Variants in EML1 observed in about 807,000 individuals in gnomAD.
The protein encoded by EML1 is EMAP like 1.
A neutral mutation model predicts 110.4 loss-of-function variants in EML1; 27 were observed. The observed-to-expected ratio is 0.24, with a 90% confidence interval of 0.18 to 0.34. EML1 has a LOEUF of 0.34. EML1 is among the 10% of genes least tolerant of loss of function. The pLI is 1.00. For synonymous variants in EML1, 344 were observed against 385.8 expected, an observed-to-expected ratio of 0.89 and a Z score of 1.27; for missense variants, 741 against 1,030.9, an observed-to-expected ratio of 0.72 and a Z score of 3.85.
intron 16 of EML1, 58 bp from the exon 17 acceptor site, chr14:99,920,731 T>C: frequency 7.3e-7 from 1 of 1,371,204 alleles, no homozygotes; most frequent in Non-Finnish European, 1.0e-6. Flanking sequence ...CCCACTATTA[T>C]ATAATCTTCA....
At chr14:99,766,382 C>T (rs571735986) in intron 1 of EML1, among the ~76,000 whole-genome samples, 2 of 152,012 alleles carry the variant, frequency 1.3e-5, no homozygotes, top group Admixed American at 1.3e-4. Flanking sequence ...TTAGTAGAGA[C>T]AGGGTTTCAC....
rs1339568152 is a variant in EML1, at chr14:99,917,766, C to G, written c.1753-16C>G. 3 of 1,613,804 alleles carry G rather than the reference C, an allele frequency of 1.9e-6. No individual in the cohort carries two copies. Among genetic ancestry groups the G allele is most frequent in the Non-Finnish European group, 2.5e-6 (3 of 1,179,840 alleles). On this transcript the variant is annotated splice_polypyrimidine_tract_variant and intron_variant, in intron 15 of 21. Transcript: ENST00000262233. ...CTATCTGTTCATCAATTTACACTTC[C>G]TTTAAAATATTTTAGGATCCAGCTC...
chr14:99,846,611 A>G (rs1247665034), intron 1 of EML1, among the ~76,000 whole-genome samples: 1 of 152,058 alleles, frequency 6.6e-6, no homozygotes, highest in Non-Finnish European at 1.5e-5. Context: ...CTTCAAGGCC[A>G]ACCCCTGCTT....
At chr14:99,834,707 T>A (rs1292194309) in intron 1 of EML1, among the ~76,000 whole-genome samples, 1 of 152,254 alleles carries the variant, frequency 6.6e-6, no homozygotes, top group African/African-American at 2.4e-5. Context: ...GAGAAATATT[T>A]CTTCCTTATC....
chr14:99,796,266 A>G lies in EML1; in HGVS notation c.67+2723A>G, dbSNP rs955037834. ...GTAAATGAGAAGGGAGAAAGAGAAA[A>G]GTTTGTTCTAATGAATGAAATTTCT... is the stretch of plus-strand genomic sequence containing the variant. On this transcript the variant is annotated intron_variant, in intron 1 of 21. Coordinates refer to ENST00000262233, the MANE Select transcript of EML1 (RefSeq NM_004434.3). 3.9e-4 allele frequency among the ~76,000 whole-genome samples: 58 copies of G among 150,466 alleles called. 1 individual carries two copies. The highest frequency in any genetic ancestry group is 1.2e-4 in the Non-Finnish European group (8 of 67,662).
chr14:99,750,241 C>T (rs964212436), intron 1 of EML1, among the ~76,000 whole-genome samples: 83 of 152,314 alleles, frequency 5.4e-4, no homozygotes, highest in Non-Finnish European at 4.4e-4. Flanking sequence ...GGGAGAAGAG[C>T]GGAGAGGCTC....
intron 17 of EML1, among the ~76,000 whole-genome samples, chr14:99,921,769 A>G (rs2060134348): frequency 6.6e-6 from 1 of 152,210 alleles, no homozygotes; most frequent in Non-Finnish European, 1.5e-5. Flanking sequence ...TACATACAAT[A>G]ATGAACCATT....
chr14:99,890,879 G>A (rs1326059288), intron 4 of EML1, among the ~76,000 whole-genome samples: 3 of 151,792 alleles, frequency 2.0e-5, no homozygotes, highest in Admixed American at 6.6e-5. Context: ...AAAAACAACC[G>A]TTTTTACACA....
chr14:99,788,978 T>C (rs763604913), upstream of EML1, among the ~76,000 whole-genome samples: 3 of 152,152 alleles, frequency 2.0e-5, no homozygotes, highest in East Asian at 3.9e-4. Flanking sequence ...GCTGATAGCA[T>C]GTATCAGAAT....
chr14:99,889,306 G>C (rs2059544183), intron 4 of EML1, among the ~76,000 whole-genome samples: 1 of 152,190 alleles, frequency 6.6e-6, no homozygotes, highest in Admixed American at 6.5e-5. Flanking sequence ...CCACCCACCA[G>C]GCACAGATCC....
rs752441148 is a variant in EML1 at position 99,897,272 on chromosome 14, G to A, written c.805G>A (p.Gly269Ser). Residue 269 changes from glycine (G) to serine (S), a missense_variant, in exon 7 of 22, where the codon GGC becomes AGC. Gly to Ser is a moderately conservative substitution (Grantham distance 56, BLOSUM62 0). Transcript: ENST00000262233. The stretch of plus-strand genomic sequence containing the variant: ...GGAGCAACTGCAGAGGCATTACGCT[G>A]GCCACAACGATGACGTGAAGTGGTA... ...VEEQLQRHYA[G>S]HNDDVKCLAV... 1.9e-6 allele frequency: 3 copies of A among 1,610,690 alleles called. No individual in the cohort carries two copies. The South Asian group carries it at 3.3e-5, about 18-fold the overall frequency.
intron 17 of EML1, among the ~76,000 whole-genome samples, chr14:99,924,761 A>G (rs778386474): frequency 1.1e-4 from 17 of 152,044 alleles, no homozygotes; most frequent in Non-Finnish European, 2.1e-4. Context: ...GTTCCCTTCT[A>G]TTTCTAATTT....
chr14:99,793,379 C>T, upstream of EML1: 6 of 995,350 alleles, frequency 6.0e-6, no homozygotes, highest in Non-Finnish European at 7.2e-6. Context: ...GGGCCGGCCC[C>T]AGCGCCAGCG....
chr14:99,815,091 C>T lies in EML1; in HGVS notation c.67+21548C>T, dbSNP rs867565791. ...CATTGCCTAGTCATTTTGATATCTGCGAGCTTGAGTTTCCCCTTATGCTAA... is the reference window on the plus strand; with the variant it reads ...CATTGCCTAGTCATTTTGATATCTGTGAGCTTGAGTTTCCCCTTATGCTAA... On this transcript the variant is annotated intron_variant, in intron 1 of 21. Coordinates refer to ENST00000262233, the MANE Select transcript of EML1 (RefSeq NM_004434.3). 7.2e-4 allele frequency among the ~76,000 whole-genome samples: 108 copies of T among 150,474 alleles called. 1 individual carries two copies. Among genetic ancestry groups the T allele is most frequent in the African/African-American group, 2.5e-3 (103 of 40,920 alleles).
intron 3 of EML1, among the ~76,000 whole-genome samples, chr14:99,870,809 C>T: frequency 6.6e-6 from 1 of 152,174 alleles, no homozygotes; most frequent in East Asian, 1.9e-4. Flanking sequence ...GCTTCCTTTC[C>T]AAATATTACC....
chr14:99,836,807 T>G (rs2058548569), intron 1 of EML1, among the ~76,000 whole-genome samples: 2 of 152,290 alleles, frequency 1.3e-5, no homozygotes, highest in South Asian at 4.1e-4. Context: ...GGAGACATTT[T>G]GATCCTTTTG....
intron 1 of EML1, among the ~76,000 whole-genome samples, chr14:99,830,023 C>G (rs1222122647): frequency 1.3e-5 from 2 of 152,186 alleles, no homozygotes; most frequent in Non-Finnish European, 2.9e-5. Context: ...GTAGAATTGC[C>G]GGATCATATG....
intron 16 of EML1, 107 bp downstream of exon 16, chr14:99,917,956 C>T (rs896105320): frequency 1.8e-6 from 2 of 1,113,920 alleles, no homozygotes; most frequent in Non-Finnish European, 2.6e-6. Flanking sequence ...GCTACATGTT[C>T]GAAGCTTCTA....
intron 1 of EML1, among the ~76,000 whole-genome samples, chr14:99,747,187 C>CAA (rs35376029): frequency 0.055 from 5,230 of 95,286 alleles, 565 homozygotes; most frequent in African/African-American, 0.21. Flanking sequence ...GACCCCGTCT[C>CAA]AAAAAAAAAA....
Sources: allele counts gnomAD v4.1 joint callset (sites outside exome capture counted in the v4.1 genomes callset), GRCh38; gene constraint gnomAD v4.1.1; transcripts MANE v1.5; gene names NCBI Gene and HGNC (gene_info 2026-07-23, HGNC 2026-07-21).